The following PGAP1 variants were observed in gnomAD, a reference collection of about 807,000 sequenced individuals.
PGAP1 encodes the protein post-GPI attachment to proteins inositol deacylase 1.
In PGAP1, 76 loss-of-function variants were observed where a neutral mutation model predicts 127.0. The ratio of observed to expected loss-of-function variants is 0.60; its 90% confidence interval spans 0.50 to 0.72. The LOEUF is 0.72. Ranked by LOEUF, PGAP1 falls within the 30% of genes least tolerant of loss-of-function variation. The probability of loss-of-function intolerance (pLI) is 0.00; values close to 1 mark genes in which losing one functional copy is unlikely to be tolerated. For missense variants in PGAP1, 982 were observed against 1,071.3 expected (o/e 0.92, Z 1.16); for synonymous variants, 362 against 366.5 (o/e 0.99, Z 0.14).
At chr2:196,842,654 T>C (rs1475940485) in intron 26 of PGAP1, 67 bp downstream of exon 26, 4 of 692,440 alleles carry the variant, frequency 5.8e-6, no homozygotes, top group Non-Finnish European at 9.4e-6. Flanking sequence ...AAAGAGTATA[T>C]TTTAGATATA....
chr2:196,921,215 A>G (rs1030292838), intron 1 of PGAP1, among the ~76,000 whole-genome samples: 1 of 151,702 alleles, frequency 6.6e-6, no homozygotes, highest in Non-Finnish European at 1.5e-5. Context: ...CACACACACA[A>G]AACAACAAAA....
chr2:196,912,928 G>C lies in PGAP1; in HGVS notation c.603C>G (p.Ala201=). ...HDLINLLITQ[A]TPHVAPVMPL... ...GCATCACAGGAGCAACATGAGGTGT[G>C]GCTTGTGTAATAAGAAGATTTATCA... Residue 201 remains alanine (A), a synonymous_variant, in exon 4 of 27, where the codon GCC becomes GCG. Coordinates refer to ENST00000354764, the MANE Select transcript of PGAP1 (RefSeq NM_024989.4). The C allele has an allele frequency of 6.2e-7, 1 of 1,613,646 alleles. No individual in the cohort carries two copies. Among genetic ancestry groups the C allele is most frequent in the South Asian group, 1.1e-5 (1 of 90,956 alleles).
chr2:196,882,309 T>C (rs905611717), intron 12 of PGAP1, among the ~76,000 whole-genome samples: 6 of 152,218 alleles, frequency 3.9e-5, no homozygotes, highest in Non-Finnish European at 8.8e-5. Flanking sequence ...TTCTTTTTGC[T>C]TAGGATTGGT....
intron 14 of PGAP1, among the ~76,000 whole-genome samples, chr2:196,874,212 G>T (rs938578961): frequency 6.6e-6 from 1 of 151,926 alleles, no homozygotes; most frequent in Non-Finnish European, 1.5e-5. Context: ...AAGGGCACAG[G>T]AGCCAACATA....
chr2:196,870,066 C>T lies in PGAP1; in HGVS notation c.1767+875G>A, dbSNP rs556668713. 2.0e-5 allele frequency among the ~76,000 whole-genome samples: 3 copies of T among 152,214 alleles called. No individual in the cohort carries two copies. The East Asian group carries it at 5.8e-4, about 29-fold the overall frequency. On this transcript the variant is annotated intron_variant, in intron 19 of 26. Transcript: ENST00000354764. ...CACAATTGTGCAAATTATAGTGATG[C>T]TAAGTAATAGCTATAGTTCTACTGC...
At chr2:196,887,639 C>T (rs905816539) in intron 10 of PGAP1, among the ~76,000 whole-genome samples, 3 of 152,128 alleles carry the variant, frequency 2.0e-5, no homozygotes, top group Non-Finnish European at 4.4e-5. Flanking sequence ...CATTCTATGG[C>T]CAAGGAATGA....
Position 196,926,690 on chromosome 2 carries a change from C to A in PGAP1, c.-74G>T. ...TCCGCCGCGGGGCCCCAAGCCCGGA[C>A]TGAGCGTGCTAGACACTGTCCGACC... On this transcript the variant is annotated 5_prime_UTR_variant, in exon 1 of 27. Coordinates refer to ENST00000354764, the MANE Select transcript of PGAP1 (RefSeq NM_024989.4). The A allele has an allele frequency of 6.2e-7, 1 of 1,601,344 alleles. No homozygotes were observed.
chr2:196,892,219 AATT>A (rs1702121709), intron 9 of PGAP1, 124 bp downstream of exon 9: 1 of 550,974 alleles, frequency 1.8e-6, no homozygotes, highest in Non-Finnish European at 3.2e-6. Flanking sequence ...CTTATTAAGG[AATT>A]ATTATTAAAT....
intron 21 of PGAP1, 112 bp downstream of exon 21, chr2:196,847,835 G>C: frequency 1.4e-6 from 1 of 717,110 alleles, no homozygotes; most frequent in Admixed American, 3.6e-5. Context: ...CTCATTTAAT[G>C]AAACAAGTCA....
intron 20 of PGAP1, among the ~76,000 whole-genome samples, chr2:196,858,048 C>T (rs760706919): frequency 1.6e-4 from 25 of 152,142 alleles, no homozygotes; most frequent in African/African-American, 3.9e-4. Context: ...CTTAAAGAAA[C>T]GAATGACCAA....
At chr2:196,892,599 GT>G (rs1702137163) in intron 8 of PGAP1, among the ~76,000 whole-genome samples, 198 bp from the exon 9 acceptor site, 1 of 152,000 alleles carries the variant, frequency 6.6e-6, no homozygotes, top group Non-Finnish European at 1.5e-5. Flanking sequence ...ATCAAGTAAA[GT>G]ATAAATCTGT....
intron 19 of PGAP1, among the ~76,000 whole-genome samples, chr2:196,870,099 A>C (rs990577279): frequency 6.6e-6 from 1 of 152,328 alleles, no homozygotes; most frequent in East Asian, 1.9e-4. Context: ...TGCTTTATGC[A>C]GCATTTTTGT....
At chr2:196,872,113 C>T (rs926944903) in intron 18 of PGAP1, among the ~76,000 whole-genome samples, 23 of 152,214 alleles carry the variant, frequency 1.5e-4, no homozygotes, top group African/African-American at 5.5e-4. Context: ...CTGCAGTAAG[C>T]CCATGTCAGC....
intron 11 of PGAP1, 95 bp from the exon 12 acceptor site, chr2:196,885,570 C>T (rs375586481): frequency 1.1e-6 from 1 of 899,276 alleles, no homozygotes; most frequent in South Asian, 1.7e-5. Context: ...ACCATCTCTA[C>T]ACCTAGTAGA....
chr2:196,921,236 T>C (rs1266005566), intron 1 of PGAP1, among the ~76,000 whole-genome samples: 1 of 151,562 alleles, frequency 6.6e-6, no homozygotes, highest in African/African-American at 2.4e-5. Flanking sequence ...TTCTGATCAT[T>C]TGTGCACCTT....
Position 196,926,556 on chromosome 2 carries a change from C to G in PGAP1, c.61G>C (p.Ala21Pro), listed in dbSNP as rs1703367623. ...LAFYVFMVFL[A>P]TLGLWDVFFG... is the part of the protein sequence containing the mutation. ...AAGACATCCCACAGCCCCAGGGTTGCCAGAAAGACCATGAAGACATAAAAC... is the reference window on the plus strand; with the variant it reads ...AAGACATCCCACAGCCCCAGGGTTGGCAGAAAGACCATGAAGACATAAAAC... The change falls in exon 1 of 27, where the codon GCA becomes CCA. Residue 21 changes from alanine to proline, a missense_variant. Ala to Pro is a conservative substitution (Grantham distance 27, BLOSUM62 -1). Transcript: ENST00000354764. 1 of 1,614,202 alleles carries G rather than the reference C, an allele frequency of 6.2e-7. No individual in the cohort carries two copies. Among genetic ancestry groups the G allele is most frequent in the Non-Finnish European group, 8.5e-7 (1 of 1,180,024 alleles).
chr2:196,894,942 C>G (rs933436960), intron 7 of PGAP1, among the ~76,000 whole-genome samples: 3 of 152,160 alleles, frequency 2.0e-5, no homozygotes, highest in Non-Finnish European at 4.4e-5. Context: ...TACTCTGATT[C>G]CTGCCTTATC....
intron 14 of PGAP1, among the ~76,000 whole-genome samples, chr2:196,875,083 T>C (rs1203343999): frequency 6.6e-6 from 1 of 152,092 alleles, no homozygotes; most frequent in Non-Finnish European, 1.5e-5. Context: ...AATTGAACAG[T>C]ATTCTTCAAA....
intron 14 of PGAP1, 85 bp downstream of exon 14, chr2:196,875,661 C>A: frequency 2.8e-6 from 2 of 726,776 alleles, no homozygotes; most frequent in Non-Finnish European, 4.8e-6. Flanking sequence ...AAATATTCAA[C>A]ATTTGATATT....
Sources: gnomAD v4.1 joint callset for allele counts (sites outside exome capture counted in the v4.1 genomes callset) on GRCh38, gnomAD v4.1.1 for gene constraint, MANE v1.5 for transcripts, NCBI Gene and HGNC (gene_info 2026-07-23, HGNC 2026-07-21) for gene names.